ZNF425: variants seen among roughly 807,000 people sequenced by gnomAD.
ZNF425 encodes the protein zinc finger protein 425.
Under a neutral mutation model 17.0 loss-of-function variants are expected in ZNF425, and 21 were observed. The ratio of observed to expected loss-of-function variants is 1.23; its 90% CI spans 0.88 to 1.78. ZNF425 has a LOEUF of 1.78. Ranked by LOEUF, ZNF425 falls within the 40% of genes most tolerant of loss-of-function variation. ZNF425 has a pLI of 0.00. For synonymous variants in ZNF425, 433 were observed against 384.1 expected (o/e 1.13, Z -1.49); for missense variants, 868 against 967.3 (o/e 0.90, Z 1.36).
At position 149,106,626 on chromosome 7, in the gene ZNF425, T is replaced by A. The variant is rs543269129; in HGVS notation, c.305-1060A>T. Among the ~76,000 whole-genome samples the A allele has an allele frequency of 1.5e-4, 23 of 152,268 alleles. No individual in the cohort carries two copies. In the South Asian group the frequency reaches 3.3e-3, roughly 22 times the overall value. ...TGTCAATCTGCCTCCTGCAGGTAAATCATATTTAACTTTTATATTCTTTTC... is the reference window on the plus strand; with the variant it reads ...TGTCAATCTGCCTCCTGCAGGTAAAACATATTTAACTTTTATATTCTTTTC... On this transcript the variant is annotated intron_variant, in intron 3 of 3. Coordinates refer to ENST00000378061, the MANE Select transcript of ZNF425 (RefSeq NM_001001661.3).
chr7:149,105,263 C>G lies in ZNF425; in HGVS notation c.608G>C (p.Arg203Thr). ...GCTCCGTTTGTGCTTTAGCAAATCC[C>G]TCCTTACTTGGAAGACTTTCCTACA... ...YVCRKVFQVR[R>T]DLLKHKRSHS... The change falls in exon 4 of 4, where the codon AGG (arginine) becomes ACG (threonine). Residue 203 changes from arginine to threonine, a missense_variant. Transcript: ENST00000378061. 5 of 1,614,200 alleles carry G rather than the reference C, an allele frequency of 3.1e-6. No individual in the cohort carries two copies. The South Asian group carries it at 5.5e-5, about 18-fold the overall frequency.
intron 1 of ZNF425, among the ~76,000 whole-genome samples, chr7:149,118,863 G>C (rs932806728): frequency 5.9e-5 from 9 of 152,054 alleles, no homozygotes; most frequent in African/African-American, 2.2e-4. Context: ...GCAGGCCTTT[G>C]AGCACAAAGA....
chr7:149,111,182 G>A (rs1410305068), intron 3 of ZNF425, among the ~76,000 whole-genome samples: 3 of 151,636 alleles, frequency 2.0e-5, no homozygotes, highest in African/African-American at 7.3e-5. Context: ...AGGCATGGTG[G>A]CTCACGTCTA....
In ZNF425 at chr7:149,104,945, C is replaced by G; in HGVS notation, c.926G>C (p.Arg309Pro). The G allele has an allele frequency of 6.2e-7, 1 of 1,613,876 alleles. No individual in the cohort carries two copies. The highest frequency in any genetic ancestry group is 8.5e-7 in the Non-Finnish European group (1 of 1,180,008). ...GAGCTCGCACTGCTGCACGAAGGCC[C>G]GGCCGCACTCCCCGCAGCAGAACGG... ...ERPFCCGECG[R>P]AFVQQCELTE... Residue 309 changes from arginine to proline, a missense_variant, in exon 4 of 4, where the codon CGG (arginine) becomes CCG (proline). Physicochemically the swap from Arg to Pro is moderately radical, Grantham distance 103 (BLOSUM62 -2). Transcript: ENST00000378061. The surrounding 1 kb of genome is among the most constrained non-coding windows in gnomAD (Gnocchi z 4.3).
intron 1 of ZNF425, among the ~76,000 whole-genome samples, chr7:149,119,907 C>T (rs1826325337): frequency 6.6e-6 from 1 of 152,002 alleles, no homozygotes; most frequent in Non-Finnish European, 1.5e-5. Flanking sequence ...AGAAGATGTG[C>T]ACGGGGTATA....
intron 3 of ZNF425, among the ~76,000 whole-genome samples, chr7:149,111,843 C>A (rs1826182589): frequency 6.6e-6 from 1 of 151,680 alleles, no homozygotes; most frequent in Non-Finnish European, 1.5e-5. Context: ...CCACGCCCAG[C>A]TAATTTTTTT....
At chr7:149,111,675 C>T (rs1176066757) in intron 3 of ZNF425, among the ~76,000 whole-genome samples, 1 of 146,488 alleles carries the variant, frequency 6.8e-6, no homozygotes, top group African/African-American at 2.6e-5. Flanking sequence ...TACAGTCTCA[C>T]ATTTGCTACC....
chr7:149,117,689 G>C (rs28625262), intron 2 of ZNF425, among the ~76,000 whole-genome samples: 1,247 of 95,726 alleles, frequency 0.013, 19 homozygotes, highest in African/African-American at 0.047. Context: ...CTCTTGCTCT[G>C]TTGCCCAGGC....
intron 3 of ZNF425, among the ~76,000 whole-genome samples, chr7:149,105,956 CCTT>C (rs1298967173): frequency 2.1e-4 from 14 of 66,156 alleles, no homozygotes; most frequent in African/African-American, 5.5e-4. Context: ...AAATTTTTTT[CCTT>C]TTTTTTTTTT....
intron 2 of ZNF425, among the ~76,000 whole-genome samples, chr7:149,116,858 T>A (rs1826273565): frequency 6.6e-6 from 1 of 152,096 alleles, no homozygotes; most frequent in Non-Finnish European, 1.5e-5. Context: ...TAATTTCACA[T>A]GGTTGATTCT....
chr7:149,116,486 T>C (rs1826268112), intron 2 of ZNF425, among the ~76,000 whole-genome samples: 1 of 152,050 alleles, frequency 6.6e-6, no homozygotes, highest in Admixed American at 6.6e-5. Context: ...CTGGAGACCA[T>C]CTTCTTCTGT....
At chr7:149,111,178 G>A (rs767362213) in intron 3 of ZNF425, among the ~76,000 whole-genome samples, 5 of 151,782 alleles carry the variant, frequency 3.3e-5, no homozygotes, top group Non-Finnish European at 7.4e-5. Context: ...CACCAGGCAT[G>A]GTGGCTCACG....
chr7:149,113,574 C>A, intron 2 of ZNF425: 1 of 112,750 alleles, frequency 8.9e-6, no homozygotes. Flanking sequence ...TTTTTTGAGA[C>A]GGAGTCTCAC....
chr7:149,123,252 C>A (rs1279085620), intron 1 of ZNF425, among the ~76,000 whole-genome samples: 1 of 152,130 alleles, frequency 6.6e-6, no homozygotes, highest in East Asian at 1.9e-4. Flanking sequence ...TTGAAAATTC[C>A]ATTTTCACTC....
intron 2 of ZNF425, among the ~76,000 whole-genome samples, chr7:149,114,512 C>T (rs985257657): frequency 5.9e-5 from 9 of 151,798 alleles, no homozygotes; most frequent in Non-Finnish European, 5.9e-5. Context: ...ATTCTCCTGC[C>T]TCAGCCTCCT....
intron 1 of ZNF425, among the ~76,000 whole-genome samples, chr7:149,119,605 T>C (rs1826319947): frequency 6.6e-6 from 1 of 152,036 alleles, no homozygotes; most frequent in African/African-American, 2.4e-5. Flanking sequence ...TCCACATCCA[T>C]AAATTCGACC....
rs1826064691 is a variant in ZNF425 at position 149,105,415 on chromosome 7, C to A, written c.456G>T (p.Glu152Asp). 4 of 1,572,012 alleles carry A rather than the reference C, an allele frequency of 2.5e-6. No individual in the cohort carries two copies. The highest frequency in any genetic ancestry group is 2.2e-5 in the East Asian group (1 of 44,594). Residue 152 changes from glutamate (E) to aspartate (D), a missense_variant, in exon 4 of 4, where the codon GAG (glutamate) becomes GAT (aspartate). By Grantham distance (45) the Glu-to-Asp change is conservative. Transcript: ENST00000378061. ...TFQSPSLRETEILNKKVSITA... is the reference protein window; with the variant it reads ...TFQSPSLRETDILNKKVSITA... Reference sequence around the variant, plus strand: ...TGATGCTGACTTTTTTATTTAGAATCTCTGTTTCTCGGAGACTTGGAGACT... The same window carrying A: ...TGATGCTGACTTTTTTATTTAGAATATCTGTTTCTCGGAGACTTGGAGACT...
chr7:149,104,328 G>C lies in ZNF425; in HGVS notation c.1543C>G (p.Gln515Glu), dbSNP rs1297594522. The change falls in exon 4 of 4, where the codon CAG (glutamine) becomes GAG (glutamate). Residue 515 changes from glutamine (Q) to glutamate (E), a missense_variant. Gln to Glu is a conservative substitution (Grantham distance 29). Coordinates refer to ENST00000378061, the MANE Select transcript of ZNF425 (RefSeq NM_001001661.3). The surrounding 1 kb of genome is among the most constrained non-coding windows in gnomAD (Gnocchi z 4.3). ...TCCGTGGTGTGGACCTTCAGGTGCT[G>C]CGTGAGCCGCGACTGCTGAGAAAAG... is the stretch of plus-strand genomic sequence containing the variant. The part of the protein sequence containing the change: ...KTFSQQSRLT[Q>E]HLKVHTTEKP... The C allele has an allele frequency of 6.2e-7, 1 of 1,613,228 alleles. No homozygotes were observed. The highest frequency in any genetic ancestry group is 1.7e-5 in the Admixed American group (1 of 60,000).
rs1172574604 is a variant in ZNF425, at chr7:149,104,881, G to A, written c.990C>T (p.Phe330=). ...AGCACCGGTCACACTGCGGACACTG[G>A]AAGGGCTTCTCTCCGCTGTGCAGCC... is the stretch of plus-strand genomic sequence containing the variant. ...HLRLHSGEKP[F]QCPQCDRCFR... The change falls in exon 4 of 4, where the codon TTC becomes TTT. Residue 330 remains phenylalanine, a synonymous_variant. Transcript: ENST00000378061. This position sits in a 1 kb window ranked among gnomAD's most constrained non-coding sequence, Gnocchi z 4.3. 1 of 1,613,564 alleles carries A rather than the reference G, an allele frequency of 6.2e-7. No homozygotes were observed. The highest frequency in any genetic ancestry group is 8.5e-7 in the Non-Finnish European group (1 of 1,179,956).
Sources: gnomAD v4.1 joint callset for allele counts (sites outside exome capture counted in the v4.1 genomes callset) on GRCh38, gnomAD v4.1.1 for gene constraint, Gnocchi (gnomAD v3.1) non-coding constraint, MANE v1.5 for transcripts, NCBI Gene and HGNC (gene_info 2026-07-23, HGNC 2026-07-21) for gene names.